SCIN: variants seen among roughly 807,000 people sequenced by gnomAD.
SCIN encodes the protein scinderin.
In SCIN, 91 loss-of-function variants were observed where a neutral mutation model predicts 91.8. The observed-to-expected ratio is 0.99, with a 90% CI of 0.84 to 1.18. The LOEUF is 1.18. Ranked by LOEUF, SCIN falls within the 50% of genes most tolerant of loss-of-function variation. SCIN has a pLI of 0.00. For synonymous variants in SCIN, 367 were observed against 312.6 expected (o/e 1.17, Z -1.84); for missense variants, 1,087 against 863.9 (o/e 1.26, Z -3.24).
At chr7:12,629,443 G>A (rs1457742441) in intron 9 of SCIN, among the ~76,000 whole-genome samples, 2 of 152,018 alleles carry the variant, frequency 1.3e-5, no homozygotes, top group African/African-American at 4.8e-5. Flanking sequence ...TCTAGTCTAG[G>A]CAAAAAGTTT....
chr7:12,580,141 C>T (rs2115209713), intron 2 of SCIN, among the ~76,000 whole-genome samples: 1 of 152,038 alleles, frequency 6.6e-6, no homozygotes, highest in East Asian at 1.9e-4. Flanking sequence ...GTGCTAATGA[C>T]AAATTAGCTC....
In SCIN at chr7:12,644,951, G is replaced by A. The variant is rs1382037952; in HGVS notation, c.1881+246G>A. 2.0e-5 allele frequency among the ~76,000 whole-genome samples: 3 copies of A among 146,834 alleles called. No individual in the cohort carries two copies. The East Asian group carries it at 6.1e-4, about 30-fold the overall frequency. On this transcript the variant is annotated intron_variant, in intron 13 of 15. Transcript: ENST00000297029. The stretch of plus-strand genomic sequence containing the variant: ...AATCACTTGAACCCAGGAGGCGGAG[G>A]TTGCAGTGAGCCAAGGTCGCGCCAC...
intron 3 of SCIN, among the ~76,000 whole-genome samples, chr7:12,600,165 C>T (rs879921993): frequency 5.9e-5 from 9 of 152,160 alleles, no homozygotes; most frequent in Non-Finnish European, 2.9e-5. Flanking sequence ...TAGGTCTACT[C>T]AGCCATAAAG....
At chr7:12,614,636 T>G (rs1323291662) in intron 4 of SCIN, among the ~76,000 whole-genome samples, 2 of 152,158 alleles carry the variant, frequency 1.3e-5, no homozygotes, top group Non-Finnish European at 2.9e-5. Flanking sequence ...AAAGAGACCC[T>G]CAGGCATTAG....
chr7:12,594,209 G>A (rs1782788183), intron 3 of SCIN, among the ~76,000 whole-genome samples: 1 of 152,030 alleles, frequency 6.6e-6, no homozygotes, highest in Non-Finnish European at 1.5e-5. Context: ...TAGAGCCGGA[G>A]CAGGGACATA....
intron 3 of SCIN, among the ~76,000 whole-genome samples, chr7:12,594,678 T>C (rs1484780285): frequency 6.6e-6 from 1 of 151,544 alleles, no homozygotes; most frequent in East Asian, 2.0e-4. Flanking sequence ...GAGGCTCCCA[T>C]AGTGAATGGA....
intron 2 of SCIN, among the ~76,000 whole-genome samples, chr7:12,580,809 T>C (rs1259609723): frequency 6.6e-6 from 1 of 152,212 alleles, no homozygotes; most frequent in Non-Finnish European, 1.5e-5. Flanking sequence ...CACTGAAGGT[T>C]CTCAGTAAAT....
intron 3 of SCIN, among the ~76,000 whole-genome samples, chr7:12,597,329 A>G (rs1197903351): frequency 6.6e-6 from 1 of 152,254 alleles, no homozygotes; most frequent in Admixed American, 6.5e-5. Flanking sequence ...CAGGAAAGAC[A>G]AAGCCAATAG....
chr7:12,641,312 C>G (rs997557820), intron 11 of SCIN, among the ~76,000 whole-genome samples: 4 of 152,142 alleles, frequency 2.6e-5, no homozygotes, highest in Admixed American at 2.0e-4. Context: ...TACGACTGTC[C>G]TCTGAGGACA....
At chr7:12,573,048 G>A (rs765002190) in intron 1 of SCIN, among the ~76,000 whole-genome samples, 51 of 152,132 alleles carry the variant, frequency 3.4e-4, no homozygotes, top group Non-Finnish European at 4.4e-4. Flanking sequence ...CTTGTGTCAA[G>A]AGAGAATTAT....
intron 3 of SCIN, among the ~76,000 whole-genome samples, chr7:12,593,068 T>C (rs773645511): frequency 6.6e-6 from 1 of 152,192 alleles, no homozygotes; most frequent in Non-Finnish European, 1.5e-5. Context: ...TGCCCATCTG[T>C]TGAGAGGACA....
chr7:12,593,716 G>A lies in SCIN; in HGVS notation c.517-10798G>A, dbSNP rs370061382. 2.6e-5 allele frequency among the ~76,000 whole-genome samples: 4 copies of A among 152,178 alleles called. No individual in the cohort carries two copies. In the East Asian group the frequency reaches 7.8e-4, roughly 30 times the overall value. The stretch of plus-strand genomic sequence containing the variant: ...CAGCTTTGTTAAGGCCTGCAATGAG[G>A]CAAGTAATCATATGGCTACAGTACA... On this transcript the variant is annotated intron_variant, in intron 3 of 15. Transcript: ENST00000297029.
At chr7:12,579,558 CCAAA>C (rs1401138676) in intron 2 of SCIN, among the ~76,000 whole-genome samples, 1 of 152,042 alleles carries the variant, frequency 6.6e-6, no homozygotes, top group Non-Finnish European at 1.5e-5. Flanking sequence ...CTCAGTTTCC[CCAAA>C]CAATGAATAT....
chr7:12,607,154 G>A (rs1783094870), intron 4 of SCIN, among the ~76,000 whole-genome samples: 1 of 152,122 alleles, frequency 6.6e-6, no homozygotes, highest in Non-Finnish European at 1.5e-5. Flanking sequence ...GTCACCCTTG[G>A]CCCAAAGCAA....
At chr7:12,649,317 T>C (rs1784030484) in intron 13 of SCIN, 150 bp from the exon 14 acceptor site, 1 of 490,656 alleles carries the variant, frequency 2.0e-6, no homozygotes. Context: ...TGAACAATTA[T>C]TTAAATTTTT....
rs143695801 is a variant in SCIN, at chr7:12,571,819, C to A, written c.199+834C>A. The stretch of plus-strand genomic sequence containing the variant: ...CGTGCCAGGCTGTCAGGACACTGGG[C>A]CTTGTGTGTTCTTTTTCCACCTTCT... On this transcript the variant is annotated intron_variant, in intron 1 of 15. Coordinates refer to ENST00000297029, the MANE Select transcript of SCIN (RefSeq NM_001112706.3). 5.3e-5 allele frequency among the ~76,000 whole-genome samples: 8 copies of A among 152,264 alleles called. No homozygotes were observed. The East Asian group carries it at 1.5e-3, about 29-fold the overall frequency.
At chr7:12,609,593 C>G (rs766650267) in intron 4 of SCIN, among the ~76,000 whole-genome samples, 1 of 152,118 alleles carries the variant, frequency 6.6e-6, no homozygotes, top group Non-Finnish European at 1.5e-5. Flanking sequence ...AACCCAGCAT[C>G]TGGTAGATAT....
chr7:12,607,684 A>C (rs1180903516), intron 4 of SCIN, among the ~76,000 whole-genome samples: 1 of 152,208 alleles, frequency 6.6e-6, no homozygotes, highest in Non-Finnish European at 1.5e-5. Flanking sequence ...TCACTCACAC[A>C]ATGAACTGAG....
chr7:12,646,374 C>T (rs938709678), intron 13 of SCIN, among the ~76,000 whole-genome samples: 7 of 152,170 alleles, frequency 4.6e-5, no homozygotes, highest in Non-Finnish European at 1.0e-4. Flanking sequence ...AGAGAGCAAG[C>T]TCTAGTCGTG....
Sources: gnomAD v4.1 joint callset for allele counts (sites outside exome capture counted in the v4.1 genomes callset) on GRCh38, gnomAD v4.1.1 for gene constraint, MANE v1.5 for transcripts, NCBI Gene and HGNC (gene_info 2026-07-23, HGNC 2026-07-21) for gene names.